The following HDAC9 variants were observed in gnomAD, a reference collection of about 807,000 sequenced individuals.
The protein encoded by HDAC9 is histone deacetylase 9, also known as MEF-2 interacting transcription repressor (MITR) protein.
A neutral mutation model predicts 139.4 loss-of-function variants in HDAC9; 41 were observed. The observed-to-expected ratio is 0.29, with a 90% CI of 0.23 to 0.38. The LOEUF (loss-of-function observed/expected upper bound fraction) is 0.38, where lower values mean the gene tolerates loss of function less well. HDAC9 is among the 10% of genes least tolerant of loss of function. The probability of loss-of-function intolerance (pLI) is 1.00; values close to 1 mark genes in which losing one functional copy is unlikely to be tolerated. For synonymous variants in HDAC9, 517 were observed against 476.2 expected (o/e 1.09, Z -1.12); for missense variants, 1,147 against 1,297.0 (o/e 0.88, Z 1.78).
chr7:18,224,793 T>C (rs1382474051), intron 2 of HDAC9, among the ~76,000 whole-genome samples: 1 of 151,952 alleles, frequency 6.6e-6, no homozygotes, highest in Non-Finnish European at 1.5e-5. Context: ...GGATGTAAAG[T>C]AATTACAATA....
intron 13 of HDAC9, among the ~76,000 whole-genome samples, chr7:18,735,677 C>A (rs991126071): frequency 1.3e-5 from 2 of 152,120 alleles, no homozygotes; most frequent in Admixed American, 6.5e-5. Flanking sequence ...ATCATGCCTC[C>A]AGGTTTGTTC....
At chr7:18,544,536 T>C (rs1213011365) in intron 2 of HDAC9, among the ~76,000 whole-genome samples, 8 of 152,190 alleles carry the variant, frequency 5.3e-5, no homozygotes, top group Non-Finnish European at 1.2e-4. Flanking sequence ...CTTAAAGTTA[T>C]GATGCTGACA....
At chr7:18,401,469 A>G (rs1269483882) in intron 1 of HDAC9, among the ~76,000 whole-genome samples, 1 of 152,172 alleles carries the variant, frequency 6.6e-6, no homozygotes, top group Non-Finnish European at 1.5e-5. Context: ...ACTTTGCATG[A>G]TAAGACTTAA....
rs1782633368 is a variant in HDAC9 at position 18,632,448 on chromosome 7, G to A, written c.797-2179G>A. Among the ~76,000 whole-genome samples the A allele has an allele frequency of 2.0e-5, 3 of 152,038 alleles. No homozygotes were observed. In the South Asian group the frequency reaches 6.2e-4, roughly 31 times the overall value. ...AGAGAGGGTAAGAAAATATTGCTTG[G>A]AAACTGGGTGTTCCCTTTCTCTGAG... is the stretch of plus-strand genomic sequence containing the variant. On this transcript the variant is annotated intron_variant, in intron 7 of 25. Transcript: ENST00000686413.
At chr7:18,745,494 GA>G (rs917842341) in intron 13 of HDAC9, among the ~76,000 whole-genome samples, 6 of 146,428 alleles carry the variant, frequency 4.1e-5, no homozygotes, top group Non-Finnish European at 7.5e-5. Context: ...ATGAAATAGT[GA>G]AAAAGTTAAG....
chr7:18,303,196 T>C (rs1378217089), intron 1 of HDAC9, among the ~76,000 whole-genome samples: 1 of 152,112 alleles, frequency 6.6e-6, no homozygotes, highest in Non-Finnish European at 1.5e-5. Flanking sequence ...TTTTCAGAGA[T>C]GGCAAATGGG....
intron 13 of HDAC9, among the ~76,000 whole-genome samples, chr7:18,732,429 T>C (rs2129133142): frequency 6.7e-6 from 1 of 149,084 alleles, no homozygotes; most frequent in Non-Finnish European, 1.5e-5. Flanking sequence ...TGCATGTGTG[T>C]ATGTGTCTAT....
chr7:18,130,126 G>C (rs1215934141), intron 1 of HDAC9, among the ~76,000 whole-genome samples: 1 of 152,072 alleles, frequency 6.6e-6, no homozygotes, highest in Admixed American at 6.6e-5. Context: ...AATATTTTCA[G>C]AATATATACC....
intron 1 of HDAC9, among the ~76,000 whole-genome samples, chr7:18,142,438 G>A (rs751488337): frequency 4.6e-5 from 7 of 152,052 alleles, no homozygotes; most frequent in Non-Finnish European, 8.8e-5. Context: ...AAAAATACAC[G>A]TTTGAAGATG....
chr7:18,365,389 A>G (rs1012805473), intron 1 of HDAC9, among the ~76,000 whole-genome samples: 9 of 152,170 alleles, frequency 5.9e-5, no homozygotes, highest in Admixed American at 5.9e-4. Context: ...TCCTGGCATT[A>G]TAATTAGGGA....
chr7:18,325,766 TATC>T (rs1213711367), intron 1 of HDAC9, among the ~76,000 whole-genome samples: 2 of 152,156 alleles, frequency 1.3e-5, no homozygotes, highest in Non-Finnish European at 2.9e-5. Flanking sequence ...ATGATTATAA[TATC>T]ATGTTTTTAA....
chr7:18,251,042 A>T (rs1422423929), intron 2 of HDAC9, among the ~76,000 whole-genome samples: 1 of 152,198 alleles, frequency 6.6e-6, no homozygotes, highest in East Asian at 1.9e-4. Context: ...TTCTATTATA[A>T]AAATACATGC....
rs1125817 is a variant in HDAC9, at chr7:18,598,369, A to G, written c.664+4340A>G. On this transcript the variant is annotated intron_variant, in intron 6 of 25. Coordinates refer to ENST00000686413, the MANE Select transcript of HDAC9 (RefSeq NM_178425.4). ...CTTGTCAAAGTTTATTTTTATTGAA[A>G]TATACTTCTTTTAATGAATCTTATA... is the stretch of plus-strand genomic sequence containing the variant. 8.5e-5 allele frequency among the ~76,000 whole-genome samples: 13 copies of G among 152,250 alleles called. No homozygotes were observed. The South Asian group carries it at 2.7e-3, about 32-fold the overall frequency.
upstream of HDAC9, among the ~76,000 whole-genome samples, chr7:18,288,238 A>AT (rs1160766091): frequency 6.6e-6 from 1 of 152,218 alleles, no homozygotes; most frequent in African/African-American, 2.4e-5. Context: ...CTCCTTTAAC[A>AT]TTTTTTATGA....
intron 1 of HDAC9, among the ~76,000 whole-genome samples, chr7:18,437,385 T>C (rs950345505): frequency 6.6e-6 from 1 of 152,136 alleles, no homozygotes. Context: ...TCTGCGACCA[T>C]GGACAACTCA....
intron 2 of HDAC9, among the ~76,000 whole-genome samples, chr7:18,542,130 G>A (rs1316029747): frequency 6.6e-6 from 1 of 152,078 alleles, no homozygotes; most frequent in African/African-American, 2.4e-5. Context: ...TAAGACCCCG[G>A]GGCAATAAAA....
intron 12 of HDAC9, among the ~76,000 whole-genome samples, chr7:18,698,697 G>A (rs184450405): frequency 5.3e-5 from 8 of 152,230 alleles, no homozygotes; most frequent in Admixed American, 2.6e-4. Flanking sequence ...GCTGCCTTGC[G>A]GCCACTGCCC....
intron 6 of HDAC9, among the ~76,000 whole-genome samples, chr7:18,600,580 A>G (rs1227964946): frequency 6.6e-6 from 1 of 152,168 alleles, no homozygotes; most frequent in Non-Finnish European, 1.5e-5. Flanking sequence ...CCTTTGTCAA[A>G]GATATATTTG....
At chr7:18,389,102 G>A (rs1786220516) in intron 1 of HDAC9, among the ~76,000 whole-genome samples, 1 of 152,126 alleles carries the variant, frequency 6.6e-6, no homozygotes, top group Non-Finnish European at 1.5e-5. Flanking sequence ...TTTACTGAAT[G>A]TTTTTTCATT....
Sources: gnomAD v4.1 joint callset for allele counts (sites outside exome capture counted in the v4.1 genomes callset) on GRCh38, gnomAD v4.1.1 for gene constraint, MANE v1.5 for transcripts, NCBI Gene and HGNC (gene_info 2026-07-23, HGNC 2026-07-21) for gene names.